Variants in BBX observed in about 807,000 individuals in gnomAD.
BBX encodes the protein HMG box transcription factor BBX.
Under a neutral mutation model 100.2 loss-of-function variants are expected in BBX, and 30 were observed. The ratio of observed to expected loss-of-function variants is 0.30; its 90% CI spans 0.22 to 0.41. The LOEUF (loss-of-function observed/expected upper bound fraction) is 0.41. BBX is among the 10% of genes least tolerant of loss of function. The pLI is 1.00. For synonymous variants in BBX, 376 were observed against 388.1 expected (o/e 0.97, Z 0.37); for missense variants, 1,023 against 1,129.8 (o/e 0.91, Z 1.35).
chr3:107,544,230 T>C (rs542755146), intron 2 of BBX, among the ~76,000 whole-genome samples: 1 of 152,224 alleles, frequency 6.6e-6, no homozygotes, highest in Non-Finnish European at 1.5e-5. Flanking sequence ...TGCTCCTTTG[T>C]GTAAATGAGA....
rs185935260 is a variant in BBX at position 107,706,132 on chromosome 3, C to T, written c.-9-4320C>T. Among the ~76,000 whole-genome samples, 94 of 151,170 alleles carry T rather than the reference C, an allele frequency of 6.2e-4. 2 individuals carry two copies. The East Asian group carries it at 0.014, about 22-fold the overall frequency. ...CTGTCTCCTGGGTTCAAGCGATTCT[C>T]CTGCCCCAGCCTCGCGAGTAGCTGG... is the stretch of plus-strand genomic sequence containing the variant. On this transcript the variant is annotated intron_variant, in intron 3 of 17. Coordinates refer to ENST00000325805, the MANE Select transcript of BBX (RefSeq NM_001142568.3).
chr3:107,708,469 T>C (rs192011393), intron 3 of BBX, among the ~76,000 whole-genome samples: 2 of 151,138 alleles, frequency 1.3e-5, no homozygotes, highest in East Asian at 3.9e-4. Flanking sequence ...AGGTCAGGAG[T>C]TCAAGACCAG....
rs568783699 is a variant in BBX, at chr3:107,744,678, C to T, written c.718C>T (p.Arg240Cys). The part of the protein sequence containing the change: ...RPDVSESPEL[R>C]QKSPLFQFAE... Reference sequence around the variant, plus strand: ...TGATGTTTCAGAATCTCCTGAATTACGTCAGAAGTCACCATTGTTTCAGTT... The same window carrying T: ...TGATGTTTCAGAATCTCCTGAATTATGTCAGAAGTCACCATTGTTTCAGTT... The change falls in exon 8 of 18, where the codon CGT becomes TGT. Residue 240 changes from arginine to cysteine, a missense_variant. Arg to Cys is a radical substitution (Grantham distance 180). Around this residue, in one of 9 missense-constraint regions of BBX, gnomAD observed 95 missense variants for 95.1 expected, o/e 1.00. Coordinates refer to ENST00000325805, the MANE Select transcript of BBX (RefSeq NM_001142568.3). 5.6e-6 allele frequency: 9 copies of T among 1,613,102 alleles called. No individual in the cohort carries two copies. The highest frequency in any genetic ancestry group is 4.5e-5 in the East Asian group (2 of 44,812).
chr3:107,698,996 G>A (rs903936981), intron 3 of BBX, among the ~76,000 whole-genome samples: 1 of 151,750 alleles, frequency 6.6e-6, no homozygotes, highest in Non-Finnish European at 1.5e-5. Flanking sequence ...AGGAGGAATG[G>A]ACTTCAGGGA....
intron 3 of BBX, among the ~76,000 whole-genome samples, chr3:107,668,584 A>C (rs2058865023): frequency 6.6e-6 from 1 of 152,170 alleles, no homozygotes; most frequent in Admixed American, 6.5e-5. Flanking sequence ...CATGCTCTGG[A>C]ACTCTGAGTC....
intron 3 of BBX, chr3:107,657,308 C>G (rs1023749998): frequency 6.6e-6 from 1 of 152,094 alleles, no homozygotes; most frequent in Non-Finnish European, 1.5e-5. Flanking sequence ...CTAGTCTTTC[C>G]CATTTACGGG....
At position 107,555,199 on chromosome 3, in the gene BBX, C is replaced by G. The variant is rs547498743; in HGVS notation, c.-84+28801C>G. On this transcript the variant is annotated intron_variant, in intron 2 of 17. Coordinates refer to ENST00000325805, the MANE Select transcript of BBX (RefSeq NM_001142568.3). ...GTGTAGTTGCTCAGTTTCCCACCTCCTATCTTCTCTCTATTTGCATGTACT... is the reference window on the plus strand; with the variant it reads ...GTGTAGTTGCTCAGTTTCCCACCTCGTATCTTCTCTCTATTTGCATGTACT... Among the ~76,000 whole-genome samples the G allele has an allele frequency of 3.9e-5, 6 of 152,334 alleles. No individual in the cohort carries two copies. In the South Asian group the frequency reaches 1.2e-3, roughly 32 times the overall value.
At chr3:107,798,788 G>A (rs992594169) in intron 16 of BBX, 68 bp downstream of exon 16, 12 of 1,301,668 alleles carry the variant, frequency 9.2e-6, no homozygotes, top group Non-Finnish European at 1.2e-5. Flanking sequence ...ACTGGAAGAA[G>A]AATTGTCTTG....
intron 13 of BBX, among the ~76,000 whole-genome samples, chr3:107,780,670 G>A (rs1014008995): frequency 5.3e-5 from 8 of 151,962 alleles, no homozygotes; most frequent in Non-Finnish European, 1.2e-4. Context: ...ATTAAAATAA[G>A]CAGAAATTAA....
chr3:107,741,551 T>C (rs2064111856), intron 7 of BBX, among the ~76,000 whole-genome samples: 2 of 152,166 alleles, frequency 1.3e-5, no homozygotes, highest in African/African-American at 4.8e-5. Flanking sequence ...TGGGTTTTTT[T>C]CTCCCTTATT....
At chr3:107,525,654 G>A (rs1262197883) in intron 1 of BBX, among the ~76,000 whole-genome samples, 1 of 152,126 alleles carries the variant, frequency 6.6e-6, no homozygotes, top group African/African-American at 2.4e-5. Context: ...AAGCCGGGGT[G>A]GGATCCCTCG....
intron 3 of BBX, among the ~76,000 whole-genome samples, chr3:107,697,230 G>A (rs896178441): frequency 1.3e-5 from 2 of 152,008 alleles, no homozygotes; most frequent in South Asian, 2.1e-4. Flanking sequence ...GCTTTGTTCT[G>A]TTGCTGGTGA....
intron 2 of BBX, among the ~76,000 whole-genome samples, chr3:107,610,318 A>G (rs2054748597): frequency 6.6e-6 from 1 of 152,072 alleles, no homozygotes; most frequent in South Asian, 2.1e-4. Context: ...TAAGGAGAAG[A>G]ATGTGTATTT....
chr3:107,697,853 C>A (rs9879617), intron 3 of BBX, among the ~76,000 whole-genome samples: 1 of 151,818 alleles, frequency 6.6e-6, no homozygotes, highest in Non-Finnish European at 1.5e-5. Context: ...AGGGAGACTC[C>A]GTGGGCGTAC....
chr3:107,629,314 T>G (rs1451510612), intron 2 of BBX, among the ~76,000 whole-genome samples: 1 of 152,188 alleles, frequency 6.6e-6, no homozygotes, highest in African/African-American at 2.4e-5. Context: ...CTATCCAGGG[T>G]CCATGAATAT....
At chr3:107,672,927 G>GA (rs1474276023) in intron 3 of BBX, among the ~76,000 whole-genome samples, 2 of 152,034 alleles carry the variant, frequency 1.3e-5, no homozygotes. Flanking sequence ...AAATGAAAAT[G>GA]AAAAATTAAC....
At chr3:107,701,736 T>C (rs1247278296) in intron 3 of BBX, among the ~76,000 whole-genome samples, 1 of 151,918 alleles carries the variant, frequency 6.6e-6, no homozygotes, top group African/African-American at 2.4e-5. Context: ...ATTTGACGAA[T>C]GGATACAGTA....
intron 4 of BBX, among the ~76,000 whole-genome samples, chr3:107,712,132 C>A (rs573963448): frequency 6.6e-6 from 1 of 152,194 alleles, no homozygotes; most frequent in Non-Finnish European, 1.5e-5. Flanking sequence ...CCTTCTCAAC[C>A]TTTCAAAGTG....
chr3:107,548,907 C>T (rs1316625420), intron 2 of BBX, among the ~76,000 whole-genome samples: 1 of 152,200 alleles, frequency 6.6e-6, no homozygotes, highest in East Asian at 1.9e-4. Flanking sequence ...CCAAATACCA[C>T]ATTCTCTCAG....
Sources: gnomAD v4.1 joint callset for allele counts (sites outside exome capture counted in the v4.1 genomes callset) on GRCh38, gnomAD v4.1.1 for gene constraint, gnomAD v4.1.1 regional missense constraint, MANE v1.5 for transcripts, NCBI Gene and HGNC (gene_info 2026-07-23, HGNC 2026-07-21) for gene names.